The following BBS9 variants were observed in gnomAD, a reference collection of about 807,000 sequenced individuals.
BBS9 encodes the protein protein PTHB1.
Under a neutral mutation model 117.7 loss-of-function variants are expected in BBS9, and 89 were observed. The observed-to-expected ratio is 0.76, with a 90% CI of 0.64 to 0.90. BBS9 has a LOEUF of 0.90. Among genes scored for constraint, BBS9 ranks in the 40% least tolerant of loss-of-function variants. BBS9 has a pLI of 0.00. For missense variants in BBS9, 982 were observed against 1,042.2 expected (o/e 0.94, Z 0.80); for synonymous variants, 379 against 370.9 (o/e 1.02, Z -0.25).
chr7:33,536,555 G>A (rs1218799020), intron 21 of BBS9, among the ~76,000 whole-genome samples: 1 of 152,032 alleles, frequency 6.6e-6, no homozygotes, highest in Non-Finnish European at 1.5e-5. Context: ...GTTACTGGAA[G>A]GGTTAGATCT....
chr7:33,632,394 T>G (rs1234261731), intron 21 of BBS9, among the ~76,000 whole-genome samples: 7 of 152,226 alleles, frequency 4.6e-5, no homozygotes, highest in Non-Finnish European at 1.0e-4. Context: ...TGCCATTATC[T>G]TCTGTTTGTA....
chr7:33,222,133 T>C (rs1790366686), intron 5 of BBS9, among the ~76,000 whole-genome samples: 1 of 152,202 alleles, frequency 6.6e-6, no homozygotes. Flanking sequence ...TATGAAACTT[T>C]TAAATTTCAT....
intron 16 of BBS9, among the ~76,000 whole-genome samples, chr7:33,362,271 C>T (rs1331404120): frequency 6.6e-6 from 1 of 152,174 alleles, no homozygotes; most frequent in Non-Finnish European, 1.5e-5. Context: ...TCTTAATCTT[C>T]ATAAACCCCC....
intron 19 of BBS9, among the ~76,000 whole-genome samples, chr7:33,442,812 C>A (rs1323463329): frequency 6.6e-6 from 1 of 152,128 alleles, no homozygotes; most frequent in East Asian, 1.9e-4. Context: ...TTAGTTAACC[C>A]AGGTCTGCTT....
chr7:33,247,884 A>G (rs1402601315), intron 5 of BBS9, among the ~76,000 whole-genome samples: 1 of 152,248 alleles, frequency 6.6e-6, no homozygotes, highest in Non-Finnish European at 1.5e-5. Flanking sequence ...CTAAAATTGC[A>G]TTCATATTGA....
At chr7:33,172,484 G>A (rs1400760385) in intron 4 of BBS9, among the ~76,000 whole-genome samples, 1 of 151,960 alleles carries the variant, frequency 6.6e-6, no homozygotes. Context: ...ACCAAAAACA[G>A]CTCACAGTCA....
At chr7:33,255,347 C>T (rs372141214) in intron 5 of BBS9, among the ~76,000 whole-genome samples, 16 of 133,996 alleles carry the variant, frequency 1.2e-4, no homozygotes, top group Non-Finnish European at 1.6e-4. Flanking sequence ...AGATAAGGAT[C>T]TTTTTTTTTT....
intron 5 of BBS9, among the ~76,000 whole-genome samples, chr7:33,203,803 A>G (rs1259186567): frequency 6.6e-6 from 1 of 151,138 alleles, no homozygotes; most frequent in East Asian, 2.0e-4. Flanking sequence ...GCTCACTGCA[A>G]CCTCCGCCTC....
intron 9 of BBS9, among the ~76,000 whole-genome samples, chr7:33,328,451 A>C (rs1388723191): frequency 6.6e-6 from 1 of 152,248 alleles, no homozygotes; most frequent in African/African-American, 2.4e-5. Flanking sequence ...ATTGATTAAA[A>C]TATGTTCAAG....
chr7:33,607,930 C>T (rs1585467816), downstream of BBS9, among the ~76,000 whole-genome samples: 1 of 150,824 alleles, frequency 6.6e-6, no homozygotes, highest in African/African-American at 2.4e-5. Flanking sequence ...TCAGGAGGTA[C>T]ACATGCAAGT....
intron 6 of BBS9, among the ~76,000 whole-genome samples, chr7:33,262,194 A>G (rs114220468): frequency 6.6e-6 from 1 of 152,288 alleles, no homozygotes; most frequent in African/African-American, 2.4e-5. Context: ...GGAAATCAGT[A>G]GTCAATTTTG....
chr7:33,348,398 C>A (rs944683920), intron 12 of BBS9, among the ~76,000 whole-genome samples: 1 of 152,038 alleles, frequency 6.6e-6, no homozygotes, highest in African/African-American at 2.4e-5. Context: ...TAATGTTATT[C>A]ATAATGTATT....
chr7:33,145,441 A>G (rs1043191717), intron 1 of BBS9, among the ~76,000 whole-genome samples: 17 of 152,184 alleles, frequency 1.1e-4, no homozygotes, highest in African/African-American at 3.9e-4. Flanking sequence ...TGGGTTGCCC[A>G]AGGACACACG....
At chr7:33,425,732 C>T (rs1391618117) in intron 19 of BBS9, among the ~76,000 whole-genome samples, 1 of 152,270 alleles carries the variant, frequency 6.6e-6, no homozygotes, top group Admixed American at 6.5e-5. Flanking sequence ...TCTTTTGGGA[C>T]CTAGTTAAGC....
At chr7:33,216,751 A>G (rs1317981123) in intron 5 of BBS9, among the ~76,000 whole-genome samples, 2 of 152,152 alleles carry the variant, frequency 1.3e-5, no homozygotes, top group Middle Eastern at 3.2e-3. Flanking sequence ...GATGGGCCAA[A>G]TTGCCTTTCA....
intron 21 of BBS9, among the ~76,000 whole-genome samples, chr7:33,545,623 C>T (rs1002160002): frequency 2.0e-5 from 3 of 152,008 alleles, no homozygotes; most frequent in Admixed American, 6.5e-5. Context: ...TTCTTGCAGG[C>T]GATCTGCAGC....
intron 21 of BBS9, among the ~76,000 whole-genome samples, chr7:33,546,591 T>C (rs1260749686): frequency 6.6e-6 from 1 of 152,240 alleles, no homozygotes; most frequent in Non-Finnish European, 1.5e-5. Context: ...AGCCATATCT[T>C]CTACATTTTC....
chr7:33,152,551 C>CT, intron 2 of BBS9, 150 bp from the exon 3 acceptor site: 1 of 700,142 alleles, frequency 1.4e-6, no homozygotes, highest in East Asian at 2.7e-5. Flanking sequence ...TTAATTACAC[C>CT]TTTTTTGACA....
chr7:33,460,083 A>G (rs1839229742), intron 19 of BBS9, among the ~76,000 whole-genome samples: 1 of 152,064 alleles, frequency 6.6e-6, no homozygotes, highest in Non-Finnish European at 1.5e-5. Context: ...ATGTAGTTTT[A>G]TTTAGTTTTA....
Sources: gnomAD v4.1 joint callset for allele counts (sites outside exome capture counted in the v4.1 genomes callset) on GRCh38, gnomAD v4.1.1 for gene constraint, MANE v1.5 for transcripts, NCBI Gene and HGNC (gene_info 2026-07-23, HGNC 2026-07-21) for gene names.